Variants in TTC29 observed in about 807,000 individuals in gnomAD.
TTC29 encodes the protein tetratricopeptide repeat protein 29.
A neutral mutation model predicts 58.1 loss-of-function variants in TTC29; 49 were observed. The observed-to-expected ratio is 0.84, with a 90% CI of 0.67 to 1.07. The LOEUF (loss-of-function observed/expected upper bound fraction) is 1.07. TTC29 is among the 50% of genes least tolerant of loss of function. The pLI is 0.00. For synonymous variants in TTC29, 209 were observed against 196.8 expected (o/e 1.06, Z -0.52); for missense variants, 582 against 555.6 (o/e 1.05, Z -0.48).
chr4:146,752,746 C>T (rs1311664329), intron 11 of TTC29, among the ~76,000 whole-genome samples: 1 of 152,068 alleles, frequency 6.6e-6, no homozygotes, highest in African/African-American at 2.4e-5. Context: ...GAAATAATGC[C>T]ACATATCTAC....
At chr4:146,897,904 T>G (rs1732881371) in intron 6 of TTC29, among the ~76,000 whole-genome samples, 1 of 152,134 alleles carries the variant, frequency 6.6e-6, no homozygotes, top group South Asian at 2.1e-4. Flanking sequence ...TTGTCAGCCT[T>G]TGGGAGTTGG....
chr4:146,708,341 T>TATATATATATATATAC lies in TTC29; in HGVS notation c.1331-806_1331-791dup, dbSNP rs377580032. On this transcript the variant is annotated intron_variant, in intron 11 of 12. Coordinates refer to ENST00000325106, the MANE Select transcript of TTC29 (RefSeq NM_031956.4). ...ATATATATATATATATATATATATA[T>TATATATATATATATAC]ATATATATATATATACACATGTATG... Among the ~76,000 whole-genome samples, 4 of 62,858 alleles carry TATATATATATATATAC rather than the reference T, an allele frequency of 6.4e-5. No homozygotes were observed. The East Asian group carries it at 1.9e-3, about 30-fold the overall frequency. 41.2% of individuals were successfully genotyped at this position (62,858 alleles called of 152,430 possible).
chr4:146,829,754 GT>G (rs1561167083), intron 9 of TTC29, among the ~76,000 whole-genome samples: 1 of 152,156 alleles, frequency 6.6e-6, no homozygotes, highest in African/African-American at 2.4e-5. Context: ...ATTGTGGAAA[GT>G]TTTCTAGGAA....
At chr4:146,817,555 C>T (rs2150136357) in intron 10 of TTC29, among the ~76,000 whole-genome samples, 1 of 152,318 alleles carries the variant, frequency 6.6e-6, no homozygotes, top group East Asian at 1.9e-4. Context: ...CTACCAATGA[C>T]TTTCTTCACA....
In TTC29 at chr4:146,713,287, T is replaced by TTCCTCCTCC. The variant is rs144211688; in HGVS notation, c.1331-5745_1331-5737dup. Among the ~76,000 whole-genome samples the TTCCTCCTCC allele has an allele frequency of 6.4e-3, 961 of 150,034 alleles. 4 individuals are homozygous for TTCCTCCTCC. Among genetic ancestry groups the TTCCTCCTCC allele is most frequent in the Middle Eastern group, 0.017 (5 of 290 alleles). On this transcript the variant is annotated intron_variant, in intron 11 of 12. Transcript: ENST00000325106. ...ATAATTGGGTGTTTCTTTATTCGTT[T>TTCCTCCTCC]TCCTCCTCCTCCTCCTCCTCCTTGT...
rs113855876 is a variant in TTC29, at chr4:146,737,750, GAACA to G, written c.1331-30203_1331-30200del. Among the ~76,000 whole-genome samples, 474 of 152,196 alleles carry G rather than the reference GAACA, an allele frequency of 3.1e-3. 6 individuals are homozygous for G. The highest frequency in any genetic ancestry group is 0.011 in the African/African-American group (452 of 41,534). On this transcript the variant is annotated intron_variant, in intron 11 of 12. Transcript: ENST00000325106. The stretch of plus-strand genomic sequence containing the variant: ...ATGGCCATCGTTTCTTCAGACCAAG[GAACA>G]AACAAACTGTTCAGCCCATAATGTA...
chr4:146,720,782 C>G (rs1353097128), intron 11 of TTC29, among the ~76,000 whole-genome samples: 1 of 152,078 alleles, frequency 6.6e-6, no homozygotes, highest in African/African-American at 2.4e-5. Flanking sequence ...ATTCACACTA[C>G]TCCACTCTCA....
chr4:146,857,377 A>T (rs1461662225), intron 8 of TTC29, among the ~76,000 whole-genome samples: 4 of 151,972 alleles, frequency 2.6e-5, no homozygotes, highest in Non-Finnish European at 5.9e-5. Flanking sequence ...CTCCTTTTAG[A>T]TTCCCCAAGA....
chr4:146,909,301 G>C (rs1733742819), intron 4 of TTC29, 52 bp from the exon 5 acceptor site: 1 of 1,354,402 alleles, frequency 7.4e-7, no homozygotes, highest in African/African-American at 1.4e-5. Flanking sequence ...CTTTCAGTCT[G>C]CACGGTATTT....
At chr4:146,725,370 CA>C in intron 11 of TTC29, among the ~76,000 whole-genome samples, 1 of 152,016 alleles carries the variant, frequency 6.6e-6, no homozygotes, top group Admixed American at 6.6e-5. Context: ...TTTGTCTCCA[CA>C]AAAAATTTTA....
intron 11 of TTC29, among the ~76,000 whole-genome samples, chr4:146,774,307 T>C (rs1004211019): frequency 6.6e-6 from 1 of 152,200 alleles, no homozygotes; most frequent in African/African-American, 2.4e-5. Context: ...ACAGTTCCCT[T>C]ACATGTGATG....
At chr4:146,908,182 A>G (rs1334684754) in intron 5 of TTC29, among the ~76,000 whole-genome samples, 2 of 152,186 alleles carry the variant, frequency 1.3e-5, no homozygotes, top group Admixed American at 6.5e-5. Flanking sequence ...CTGAAATGAC[A>G]TGTAGACATT....
intron 10 of TTC29, among the ~76,000 whole-genome samples, chr4:146,808,836 A>C (rs1005829411): frequency 6.6e-6 from 1 of 152,352 alleles, no homozygotes; most frequent in South Asian, 2.1e-4. Flanking sequence ...ATCCAATGCT[A>C]TCCCCATGAA....
chr4:146,709,487 C>G (rs1161292308), intron 11 of TTC29, among the ~76,000 whole-genome samples: 2 of 151,978 alleles, frequency 1.3e-5, no homozygotes, highest in Non-Finnish European at 2.9e-5. Flanking sequence ...GTCTAAATTT[C>G]TCTTCTTTTC....
At chr4:146,929,015 G>T (rs993374382) in intron 4 of TTC29, among the ~76,000 whole-genome samples, 1 of 152,030 alleles carries the variant, frequency 6.6e-6, no homozygotes, top group Non-Finnish European at 1.5e-5. Flanking sequence ...AAGAGATTTG[G>T]AAAGATTCTT....
At chr4:146,763,281 T>A (rs1335679112) in intron 11 of TTC29, among the ~76,000 whole-genome samples, 1 of 152,124 alleles carries the variant, frequency 6.6e-6, no homozygotes, top group Non-Finnish European at 1.5e-5. Flanking sequence ...AACTTTATGT[T>A]CAACAGTTAT....
Position 146,909,089 on chromosome 4 carries a change from G to C in TTC29, c.337C>G (p.Gln113Glu). The change falls in exon 5 of 13, where the codon CAG becomes GAG. Residue 113 changes from glutamine (Q) to glutamate (E), a missense_variant. Coordinates refer to ENST00000325106, the MANE Select transcript of TTC29 (RefSeq NM_031956.4). ...LFWLQKPLEE[Q>E]PDKLDYLYHY... ...TACAGGTAATCCAGTTTATCAGGCTGCTCCTCCAGGGGCTTCTGCAGCCAG... is the reference window on the plus strand; with the variant it reads ...TACAGGTAATCCAGTTTATCAGGCTCCTCCTCCAGGGGCTTCTGCAGCCAG... 2 of 1,613,878 alleles carry C rather than the reference G, an allele frequency of 1.2e-6. No homozygotes were observed. The highest frequency in any genetic ancestry group is 1.7e-6 in the Non-Finnish European group (2 of 1,179,852).
intron 8 of TTC29, among the ~76,000 whole-genome samples, chr4:146,838,926 A>AACAAG (rs1561175796): frequency 2.0e-5 from 3 of 151,962 alleles, no homozygotes; most frequent in Non-Finnish European, 4.4e-5. Flanking sequence ...TTAAATCACT[A>AACAAG]TGAGAACTAT....
chr4:146,723,158 G>A (rs1465447198), intron 11 of TTC29, among the ~76,000 whole-genome samples: 2 of 151,980 alleles, frequency 1.3e-5, no homozygotes, highest in Non-Finnish European at 2.9e-5. Flanking sequence ...TGAAGCAGGA[G>A]AATCACTTGA....
Sources: gnomAD v4.1 joint callset for allele counts (sites outside exome capture counted in the v4.1 genomes callset) on GRCh38, gnomAD v4.1.1 for gene constraint, MANE v1.5 for transcripts, NCBI Gene and HGNC (gene_info 2026-07-23, HGNC 2026-07-21) for gene names.